FAM110A: variants seen among roughly 807,000 people sequenced by gnomAD.
The protein encoded by FAM110A is protein FAM110A.
Under a neutral mutation model 4.0 loss-of-function variants are expected in FAM110A, and 1 was observed. That is an observed-to-expected ratio of 0.25 (90% CI 0.09 to 1.20). FAM110A has a LOEUF of 1.20. Ranked by LOEUF, FAM110A falls within the 50% of genes most tolerant of loss-of-function variation. FAM110A has a pLI of 0.50. For missense variants in FAM110A, 436 were observed against 429.2 expected, an observed-to-expected ratio of 1.02 and a Z score of -0.14; for synonymous variants, 217 against 196.8, an observed-to-expected ratio of 1.10 and a Z score of -0.86.
intron 1 of FAM110A, among the ~76,000 whole-genome samples, chr20:839,158 G>A (rs772552499): frequency 6.6e-6 from 1 of 152,038 alleles, no homozygotes; most frequent in Admixed American, 6.6e-5. Context: ...TGAAAACACC[G>A]TCTCTTCCAC....
At chr20:842,394 G>T (rs577079928) in intron 1 of FAM110A, among the ~76,000 whole-genome samples, 4 of 152,330 alleles carry the variant, frequency 2.6e-5, no homozygotes, top group African/African-American at 9.6e-5. Flanking sequence ...GATGGTGCCC[G>T]CAAGGGAACT....
intron 1 of FAM110A, among the ~76,000 whole-genome samples, chr20:843,780 G>A (rs905470420): frequency 6.6e-6 from 1 of 152,208 alleles, no homozygotes. Flanking sequence ...GGGTGACCAC[G>A]TAGACACTTG....
intron 1 of FAM110A, among the ~76,000 whole-genome samples, chr20:841,821 C>A (rs1276466001): frequency 6.6e-6 from 1 of 152,194 alleles, no homozygotes; most frequent in African/African-American, 2.4e-5. Flanking sequence ...CTTCACCTGG[C>A]GGGAGCCGCT....
rs1368531882 is a variant in FAM110A, at chr20:833,779, C to A, written c.-270C>A. 6.6e-6 allele frequency: 1 copy of A among 152,254 alleles called. No homozygotes were observed. 9.4% of individuals were successfully genotyped at this position (152,254 alleles called of 1,614,324 possible). ...TGGGGGCCTTCGACAGTGAGGGCCA[C>A]CCGCTCAGCTCGACCGCGGAGGGCA... is the stretch of plus-strand genomic sequence containing the variant. On this transcript the variant is annotated 5_prime_UTR_variant, in exon 1 of 2. Transcript: ENST00000381941. The surrounding 1 kb of genome is among the most constrained non-coding windows in gnomAD (Gnocchi z 4.1).
At position 837,053 on chromosome 20, in the gene FAM110A, T is replaced by G. The variant is rs539415313; in HGVS notation, c.-98+3102T>G. Among the ~76,000 whole-genome samples the G allele has an allele frequency of 9.2e-5, 13 of 141,692 alleles. No homozygotes were observed. The South Asian group carries it at 1.2e-3, about 13-fold the overall frequency. The allele number at this position is 141,692 out of a possible 152,430, so 93.0% of individuals were successfully genotyped here. A position where few individuals can be genotyped will look rare whatever the true frequency, so the allele number is the denominator to read the frequency against. The stretch of plus-strand genomic sequence containing the variant: ...TCAAGTGACTCTGCATTGTTTTTTT[T>G]TTTTTTTTTTTTTTTTGAGACAAGA... On this transcript the variant is annotated intron_variant, in intron 1 of 1. Coordinates refer to ENST00000381941, the MANE Select transcript of FAM110A (RefSeq NM_001042353.3).
At chr20:844,478 T>G (rs1980129474) in intron 1 of FAM110A, among the ~76,000 whole-genome samples, 1 of 152,040 alleles carries the variant, frequency 6.6e-6, no homozygotes, top group Non-Finnish European at 1.5e-5. Flanking sequence ...AGCACCTTTT[T>G]TCCTCTCTTG....
chr20:838,817 A>ATTT lies in FAM110A; in HGVS notation c.-98+4884_-98+4886dup, dbSNP rs35060058. ...CCTGAGGGCCAAGTGGGGAGCTTGG[A>ATTT]TTTTTTTTTTTTTTTTTTTTGAGAC... On this transcript the variant is annotated intron_variant, in intron 1 of 1. Coordinates refer to ENST00000381941, the MANE Select transcript of FAM110A (RefSeq NM_001042353.3). 1.5e-4 allele frequency among the ~76,000 whole-genome samples: 19 copies of ATTT among 128,888 alleles called. 1 individual carries two copies. The highest frequency in any genetic ancestry group is 4.7e-4 in the East Asian group (2 of 4,284). The allele number at this position is 128,888 out of a possible 152,430, so 84.6% of individuals were successfully genotyped here. A position where few individuals can be genotyped will look rare whatever the true frequency, so the allele number is the denominator to read the frequency against.
In FAM110A at chr20:840,040, T is replaced by TA. The variant is rs1162194496; in HGVS notation, c.-97-4667dup. On this transcript the variant is annotated intron_variant, in intron 1 of 1. Coordinates refer to ENST00000381941, the MANE Select transcript of FAM110A (RefSeq NM_001042353.3). This position sits in a 1 kb window ranked among gnomAD's most constrained non-coding sequence, Gnocchi z 4.4. ...GAAGGACTGTTCTTTTCTTTGCTAT[T>TA]ACGAAAATCATTATTGTTGCTTTGC... 7.0e-6 allele frequency: 6 copies of TA among 857,228 alleles called. No individual in the cohort carries two copies. The East Asian group carries it at 1.6e-4, about 23-fold the overall frequency. 53.1% of individuals were successfully genotyped at this position (857,228 alleles called of 1,614,324 possible). A position where few individuals can be genotyped will look rare whatever the true frequency, so the allele number is the denominator to read the frequency against.
In FAM110A at chr20:845,461, G is replaced by C; in HGVS notation, c.657G>C (p.Leu219Phe). Reference sequence around the variant, plus strand: ...TGGACCCGGAGGAGGCGAGAGGGTTGGGTGTGGCCCACCTGGCACGGGCCA... The same window carrying C: ...TGGACCCGGAGGAGGCGAGAGGGTTCGGTGTGGCCCACCTGGCACGGGCCA... ...CGLDPEEARGLGVAHLARASS... is the reference protein window; with the variant it reads ...CGLDPEEARGFGVAHLARASS... Residue 219 changes from leucine to phenylalanine, a missense_variant, in exon 2 of 2, where the codon TTG becomes TTC. Transcript: ENST00000381941. 1 of 1,613,544 alleles carries C rather than the reference G, an allele frequency of 6.2e-7. No homozygotes were observed. Among genetic ancestry groups the C allele is most frequent in the Non-Finnish European group, 8.5e-7 (1 of 1,179,796 alleles).
chr20:838,293 C>T (rs1979689253), intron 1 of FAM110A, among the ~76,000 whole-genome samples: 1 of 152,242 alleles, frequency 6.6e-6, no homozygotes, highest in African/African-American at 2.4e-5. Flanking sequence ...CTTTCTTCCT[C>T]TCTTTCTTTC....
At chr20:837,461 G>A (rs1461593236) in intron 1 of FAM110A, among the ~76,000 whole-genome samples, 3 of 152,190 alleles carry the variant, frequency 2.0e-5, no homozygotes, top group African/African-American at 4.8e-5. Flanking sequence ...CTGGGCACTG[G>A]ATGATCTATT....
At position 845,773 on chromosome 20, in the gene FAM110A, T is replaced by A. The variant is rs759072121; in HGVS notation, c.*81T>A. The A allele has an allele frequency of 4.6e-5, 72 of 1,565,464 alleles. No homozygotes were observed. Among genetic ancestry groups the A allele is most frequent in the Non-Finnish European group, 3.8e-5 (44 of 1,156,314 alleles). On this transcript the variant is annotated 3_prime_UTR_variant, in exon 2 of 2. Coordinates refer to ENST00000381941, the MANE Select transcript of FAM110A (RefSeq NM_001042353.3). ...CTGGACCTCTCTTGCATCCATTCTC[T>A]AGACGGCCGTGTCAGAGGCTCCACC...
chr20:838,814 T>G, intron 1 of FAM110A, among the ~76,000 whole-genome samples: 1 of 140,658 alleles, frequency 7.1e-6, no homozygotes, highest in Non-Finnish European at 1.5e-5. Context: ...GTGGGGAGCT[T>G]GGATTTTTTT....
At position 845,072 on chromosome 20, in the gene FAM110A, C is replaced by T. The variant is rs776940535; in HGVS notation, c.268C>T (p.Arg90Cys). The change falls in exon 2 of 2, where the codon CGC (arginine) becomes TGC (cysteine). Residue 90 changes from arginine to cysteine, a missense_variant. By Grantham distance (180) the Arg-to-Cys change is radical. Coordinates refer to ENST00000381941, the MANE Select transcript of FAM110A (RefSeq NM_001042353.3). ...TCGCCGCACAGTGCTCACGCCCAGC[C>T]GCCGAGCCCTGCCTGGCCCCTGCCG... The part of the protein sequence containing the change: ...ETRRTVLTPS[R>C]RALPGPCRRP... The T allele has an allele frequency of 3.8e-6, 6 of 1,596,344 alleles. No homozygotes were observed. The highest frequency in any genetic ancestry group is 1.7e-5 in the Admixed American group (1 of 58,120).
Position 840,497 on chromosome 20 carries a change from G to A in FAM110A, c.-97-4211G>A, listed in dbSNP as rs1979828066. 6.6e-6 allele frequency among the ~76,000 whole-genome samples: 1 copy of A among 152,228 alleles called. No individual in the cohort carries two copies. The highest frequency in any genetic ancestry group is 2.4e-5 in the African/African-American group (1 of 41,446). On this transcript the variant is annotated intron_variant, in intron 1 of 1. Coordinates refer to ENST00000381941, the MANE Select transcript of FAM110A (RefSeq NM_001042353.3). The surrounding 1 kb of genome is among the most constrained non-coding windows in gnomAD (Gnocchi z 4.4). ...CCCTCTGGGAATTCCTTCCTGCAGG[G>A]CTGCAGTCTCATGGGATTAAATGAG...
At chr20:842,425 C>T (rs1034834328) in intron 1 of FAM110A, among the ~76,000 whole-genome samples, 39 of 152,172 alleles carry the variant, frequency 2.6e-4, no homozygotes, top group African/African-American at 8.7e-4. Flanking sequence ...ACGGGTTGGA[C>T]TGGTTTGGGA....
Position 840,040 on chromosome 20 carries a change from T to C in FAM110A, c.-97-4668T>C, listed in dbSNP as rs1365550230. 2 of 857,346 alleles carry C rather than the reference T, an allele frequency of 2.3e-6. No individual in the cohort carries two copies. The highest frequency in any genetic ancestry group is 2.7e-5 in the East Asian group (1 of 37,690). 53.1% of individuals were successfully genotyped at this position (857,346 alleles called of 1,614,324 possible). A position where few individuals can be genotyped will look rare whatever the true frequency, so the allele number is the denominator to read the frequency against. The stretch of plus-strand genomic sequence containing the variant: ...GAAGGACTGTTCTTTTCTTTGCTAT[T>C]ACGAAAATCATTATTGTTGCTTTGC... On this transcript the variant is annotated intron_variant, in intron 1 of 1. Transcript: ENST00000381941. The surrounding 1 kb of genome is among the most constrained non-coding windows in gnomAD (Gnocchi z 4.4).
chr20:845,393 A>C lies in FAM110A; in HGVS notation c.589A>C (p.Arg197=). The change falls in exon 2 of 2, where the codon AGG becomes CGG. Residue 197 remains arginine (R), a synonymous_variant. Transcript: ENST00000381941. ...GTCGGACTTGAGCGAGCGCTTTTCT[A>C]GGGCAGCCGCTGATCTCGAGCGCTT... ...SKSDLSERFS[R]AAADLERFFN... 6.2e-7 allele frequency: 1 copy of C among 1,613,284 alleles called. No homozygotes were observed. Among genetic ancestry groups the C allele is most frequent in the South Asian group, 1.1e-5 (1 of 91,042 alleles).
intron 1 of FAM110A, among the ~76,000 whole-genome samples, chr20:842,412 C>T (rs1979983026): frequency 6.6e-6 from 1 of 152,188 alleles, no homozygotes; most frequent in Non-Finnish European, 1.5e-5. Flanking sequence ...ACTGCCACTG[C>T]GGACGGGTTG....
Sources: gnomAD v4.1 joint callset for allele counts (sites outside exome capture counted in the v4.1 genomes callset) on GRCh38, gnomAD v4.1.1 for gene constraint, Gnocchi (gnomAD v3.1) non-coding constraint, MANE v1.5 for transcripts, NCBI Gene and HGNC (gene_info 2026-07-23, HGNC 2026-07-21) for gene names.